CADPS: variants seen among roughly 807,000 people sequenced by gnomAD.
CADPS encodes the protein calcium-dependent secretion activator 1.
In CADPS, 57 loss-of-function variants were observed where a neutral mutation model predicts 167.3. The ratio of observed to expected loss-of-function variants is 0.34; its 90% confidence interval spans 0.28 to 0.42. The LOEUF is 0.42. Among genes scored for constraint, CADPS ranks in the 20% least tolerant of loss-of-function variants. CADPS has a pLI of 1.00. For missense variants in CADPS, 1,414 were observed against 1,738.1 expected (o/e 0.81, Z 3.32); for synonymous variants, 676 against 635.3 (o/e 1.06, Z -0.96).
rs541282163 is a variant in CADPS at position 62,544,017 on chromosome 3, G to C, written c.1966+5886C>G. 1.3e-5 allele frequency among the ~76,000 whole-genome samples: 2 copies of C among 151,972 alleles called. No individual in the cohort carries two copies. Among genetic ancestry groups the C allele is most frequent in the Admixed American group, 1.3e-4 (2 of 15,224 alleles). ...GTTATTGTTGTCATTGTTCTTGGGG[G>C]AGTAGCAGAATGACATTTGATACCA... is the stretch of plus-strand genomic sequence containing the variant. On this transcript the variant is annotated intron_variant, in intron 11 of 29. Transcript: ENST00000383710. This position sits in a 1 kb window ranked among gnomAD's most constrained non-coding sequence, Gnocchi z 4.4.
intron 1 of CADPS, chr3:62,796,498 G>A (rs983562491): frequency 7.2e-5 from 11 of 152,164 alleles, no homozygotes; most frequent in Admixed American, 1.3e-4. Context: ...ACCTGGTCAA[G>A]TTAAGAAAAA....
At chr3:62,698,731 CTTTTTTTTT>C (rs201324385) in intron 3 of CADPS, among the ~76,000 whole-genome samples, 61 of 67,238 alleles carry the variant, frequency 9.1e-4, no homozygotes, top group African/African-American at 2.3e-3. Flanking sequence ...TCCCCACTTC[CTTTTTTTTT>C]TTTTTTTTTT....
intron 1 of CADPS, among the ~76,000 whole-genome samples, chr3:62,773,585 T>A (rs1170644971): frequency 1.3e-5 from 2 of 152,156 alleles, no homozygotes; most frequent in Non-Finnish European, 2.9e-5. Context: ...CATGAGTATG[T>A]CCTCCCCATG....
At chr3:62,775,425 T>C (rs1446137711) in intron 1 of CADPS, among the ~76,000 whole-genome samples, 1 of 152,182 alleles carries the variant, frequency 6.6e-6, no homozygotes, top group African/African-American at 2.4e-5. Context: ...TATGTTAATT[T>C]TCCAAATGTT....
At chr3:62,665,087 C>T (rs62242517) in intron 3 of CADPS, among the ~76,000 whole-genome samples, 15,851 of 152,158 alleles carry the variant, frequency 0.1, 1,012 homozygotes, top group Middle Eastern at 0.19. Context: ...TTTATTGATG[C>T]CTGTACCAAA....
chr3:62,637,979 T>G (rs2066633520), intron 6 of CADPS, among the ~76,000 whole-genome samples: 1 of 151,976 alleles, frequency 6.6e-6, no homozygotes, highest in African/African-American at 2.4e-5. Flanking sequence ...CAGGCCACCT[T>G]GTTTTCCCCC....
At chr3:62,547,374 T>C (rs1339481214) in intron 11 of CADPS, among the ~76,000 whole-genome samples, 1 of 152,146 alleles carries the variant, frequency 6.6e-6, no homozygotes, top group African/African-American at 2.4e-5. Context: ...CCATAGCTGA[T>C]TGTAGTGGCT....
At chr3:62,786,780 T>C (rs969807674) in intron 1 of CADPS, among the ~76,000 whole-genome samples, 1 of 151,980 alleles carries the variant, frequency 6.6e-6, no homozygotes, top group African/African-American at 2.4e-5. Context: ...TTTAAAGAAA[T>C]TTTCAAAAAA....
At chr3:62,694,039 C>T (rs2079763839) in intron 3 of CADPS, among the ~76,000 whole-genome samples, 1 of 152,010 alleles carries the variant, frequency 6.6e-6, no homozygotes, top group Non-Finnish European at 1.5e-5. Flanking sequence ...CTGGTCACCC[C>T]AGTGCTCGCT....
In CADPS at chr3:62,455,649, T is replaced by C. The variant is rs2150165822; in HGVS notation, c.3636+9718A>G. 6.6e-6 allele frequency among the ~76,000 whole-genome samples: 1 copy of C among 152,312 alleles called. No individual in the cohort carries two copies. The highest frequency in any genetic ancestry group is 2.1e-4 in the South Asian group (1 of 4,820). On this transcript the variant is annotated intron_variant, in intron 26 of 29. Coordinates refer to ENST00000383710, the MANE Select transcript of CADPS (RefSeq NM_003716.4). The surrounding 1 kb of genome is among the most constrained non-coding windows in gnomAD (Gnocchi z 4.4). Reference sequence around the variant, plus strand: ...AGACATGTAAGCTTATTTTTGCGGATTTTAAGTGGGGGCCCCTGCCCCCTT... The same window carrying C: ...AGACATGTAAGCTTATTTTTGCGGACTTTAAGTGGGGGCCCCTGCCCCCTT...
intron 1 of CADPS, among the ~76,000 whole-genome samples, chr3:62,849,626 G>A (rs558708368): frequency 7.6e-6 from 1 of 131,634 alleles, no homozygotes; most frequent in East Asian, 2.2e-4. Context: ...AGGGATGAAG[G>A]CCACTTGATC....
chr3:62,408,954 T>C (rs575853679), intron 28 of CADPS, among the ~76,000 whole-genome samples: 1 of 152,360 alleles, frequency 6.6e-6, no homozygotes, highest in South Asian at 2.1e-4. Flanking sequence ...GGATTCCTAA[T>C]ATACACCCAT....
chr3:62,854,747 T>C (rs2079321540), intron 1 of CADPS, among the ~76,000 whole-genome samples: 1 of 152,204 alleles, frequency 6.6e-6, no homozygotes, highest in Non-Finnish European at 1.5e-5. Context: ...GAAAAATATT[T>C]CCTGTTTGTA....
intron 3 of CADPS, among the ~76,000 whole-genome samples, chr3:62,689,896 A>G (rs1027543628): frequency 6.6e-6 from 1 of 152,016 alleles, no homozygotes; most frequent in Admixed American, 6.6e-5. Context: ...GCAGGAGAAA[A>G]CAGGAAAAGC....
chr3:62,542,737 C>T (rs149118935), intron 11 of CADPS, among the ~76,000 whole-genome samples: 74 of 152,248 alleles, frequency 4.9e-4, no homozygotes, highest in Non-Finnish European at 7.9e-4. Context: ...TTTAAAACTA[C>T]TATGGCAATA....
chr3:62,859,051 A>G (rs1312698516), intron 1 of CADPS, among the ~76,000 whole-genome samples: 1 of 152,170 alleles, frequency 6.6e-6, no homozygotes, highest in African/African-American at 2.4e-5. Context: ...AAAGCTTTAT[A>G]TAAAAGCATT....
intron 3 of CADPS, among the ~76,000 whole-genome samples, chr3:62,675,248 T>C (rs879622033): frequency 1.3e-5 from 2 of 151,578 alleles, no homozygotes; most frequent in Admixed American, 6.6e-5. Flanking sequence ...CTAACCTAGC[T>C]GCAAAGAAAG....
intron 28 of CADPS, among the ~76,000 whole-genome samples, chr3:62,430,870 T>C (rs971221833): frequency 6.6e-6 from 1 of 152,102 alleles, no homozygotes; most frequent in Non-Finnish European, 1.5e-5. Flanking sequence ...AGGGTATGAC[T>C]TAATTGCCAG....
chr3:62,810,898 A>C (rs2094362143), intron 1 of CADPS, among the ~76,000 whole-genome samples: 1 of 152,246 alleles, frequency 6.6e-6, no homozygotes, highest in Admixed American at 6.5e-5. Context: ...AAAGGAGGCT[A>C]TCAGTTAAGC....
Sources: gnomAD v4.1 joint callset for allele counts (sites outside exome capture counted in the v4.1 genomes callset) on GRCh38, gnomAD v4.1.1 for gene constraint, Gnocchi (gnomAD v3.1) non-coding constraint, MANE v1.5 for transcripts, NCBI Gene and HGNC (gene_info 2026-07-23, HGNC 2026-07-21) for gene names.